The following PKHD1 variants were observed in gnomAD, a reference collection of about 807,000 sequenced individuals.
PKHD1 encodes the protein fibrocystin.
In PKHD1, 291 loss-of-function variants were observed where a neutral mutation model predicts 412.0. The ratio of observed to expected loss-of-function variants is 0.71; its 90% confidence interval spans 0.64 to 0.78. PKHD1 has a LOEUF of 0.78. PKHD1 is among the 30% of genes least tolerant of loss of function. The probability of loss-of-function intolerance (pLI) is 0.00; values close to 1 mark genes in which losing one functional copy is unlikely to be tolerated. For synonymous variants in PKHD1, 1,777 were observed against 1,821.5 expected, an observed-to-expected ratio of 0.98 and a Z score of 0.62; for missense variants, 4,825 against 4,950.7, an observed-to-expected ratio of 0.97 and a Z score of 0.76.
intron 52 of PKHD1, among the ~76,000 whole-genome samples, chr6:51,827,790 A>G (rs1767568969): frequency 6.6e-6 from 1 of 152,126 alleles, no homozygotes; most frequent in South Asian, 2.1e-4. Context: ...AGCGCTTGGA[A>G]CTGTGCCTTG....
chr6:52,026,439 C>T (rs1324367228), intron 31 of PKHD1, among the ~76,000 whole-genome samples: 1 of 152,132 alleles, frequency 6.6e-6, no homozygotes, highest in African/African-American at 2.4e-5. Flanking sequence ...TTTTCAAGTA[C>T]CTTTGTATAT....
In PKHD1 at chr6:52,044,348, C is replaced by T. The variant is rs1805435775; in HGVS notation, c.2715+618G>A. Among the ~76,000 whole-genome samples the T allele has an allele frequency of 2.0e-5, 3 of 152,126 alleles. No homozygotes were observed. In the South Asian group the frequency reaches 6.2e-4, roughly 32 times the overall value. ...CTATGTATAAAAAATGCATTAATAG[C>T]ATACAGATTATATTCATGACAGTGT... On this transcript the variant is annotated intron_variant, in intron 25 of 66. Transcript: ENST00000371117.
chr6:51,755,760 T>A (rs1279743375), intron 55 of PKHD1, among the ~76,000 whole-genome samples: 4 of 152,196 alleles, frequency 2.6e-5, no homozygotes, highest in Non-Finnish European at 5.9e-5. Flanking sequence ...CTATAGTGAA[T>A]GTTCATTCAG....
chr6:52,076,047 T>C (rs1811282550), intron 6 of PKHD1, among the ~76,000 whole-genome samples: 1 of 152,214 alleles, frequency 6.6e-6, no homozygotes, highest in Admixed American at 6.5e-5. Context: ...TGTCCTCTTT[T>C]TCTTTTCATG....
chr6:51,695,492 A>C (rs909472223), intron 60 of PKHD1, among the ~76,000 whole-genome samples: 6 of 152,162 alleles, frequency 3.9e-5, no homozygotes, highest in Non-Finnish European at 8.8e-5. Flanking sequence ...AGGAGGAAGA[A>C]GAAGAAATCT....
Position 52,084,870 on chromosome 6 carries a change from C to T in PKHD1, c.52+12G>A. On this transcript the variant is annotated intron_variant, in intron 2 of 66. Transcript: ENST00000371117. ...TCTTACCTATAATTCCTTCAAAACA[C>T]ATTCTACTGACCTGCCAAAAGTAGT... 7 of 1,551,018 alleles carry T rather than the reference C, an allele frequency of 4.5e-6. No homozygotes were observed. The highest frequency in any genetic ancestry group is 6.2e-6 in the Non-Finnish European group (7 of 1,122,674).
In PKHD1 at chr6:51,769,825, C is replaced by T. The variant is rs566182444; in HGVS notation, c.8642+2877G>A. On this transcript the variant is annotated intron_variant, in intron 55 of 66. Transcript: ENST00000371117. The stretch of plus-strand genomic sequence containing the variant: ...ATGACATGTTCTATAATATCTCGTA[C>T]GCTATATTCTCATTATTGTTACTTC... Among the ~76,000 whole-genome samples the T allele has an allele frequency of 2.1e-3, 319 of 151,198 alleles. 2 individuals are homozygous for T. The highest frequency in any genetic ancestry group is 7.0e-3 in the African/African-American group (288 of 41,398).
Position 51,615,546 on chromosome 6 carries a change from A to G in PKHD1, c.*3535T>C, listed in dbSNP as rs1765993560. The G allele has an allele frequency of 6.6e-6, 1 of 152,222 alleles. No individual in the cohort carries two copies. Among genetic ancestry groups the G allele is most frequent in the South Asian group, 2.1e-4 (1 of 4,826 alleles). The allele number at this position is 152,222 out of a possible 1,614,324, so 9.4% of individuals were successfully genotyped here. ...TATAAGTTCTGAAAGCAAAATATGG[A>G]ATGCATGAATTTTAAATGACAGAAT... is the stretch of plus-strand genomic sequence containing the variant. On this transcript the variant is annotated 3_prime_UTR_variant, in exon 67 of 67. Transcript: ENST00000371117.
intron 40 of PKHD1, among the ~76,000 whole-genome samples, chr6:51,908,202 T>C (rs1432086190): frequency 6.6e-6 from 1 of 152,052 alleles, no homozygotes; most frequent in Non-Finnish European, 1.5e-5. Flanking sequence ...TTTAAAAAGA[T>C]TGGAAAAATT....
intron 43 of PKHD1, among the ~76,000 whole-genome samples, chr6:51,890,143 A>G (rs960749023): frequency 6.6e-6 from 1 of 152,026 alleles, no homozygotes; most frequent in African/African-American, 2.4e-5. Context: ...TGAGTTTTGT[A>G]TTATTATTAC....
At chr6:52,035,064 C>G (rs1432319590) in intron 28 of PKHD1, among the ~76,000 whole-genome samples, 1 of 151,964 alleles carries the variant, frequency 6.6e-6, no homozygotes, top group Non-Finnish European at 1.5e-5. Flanking sequence ...TGATATAGCA[C>G]TAATTGAAAG....
chr6:51,963,988 G>A (rs1792447558), intron 35 of PKHD1, among the ~76,000 whole-genome samples: 1 of 151,982 alleles, frequency 6.6e-6, no homozygotes, highest in South Asian at 2.1e-4. Flanking sequence ...GGGGGCAGCC[G>A]TGAAAATAGA....
intron 12 of PKHD1, 93 bp from the exon 13 acceptor site, chr6:52,065,143 A>C: frequency 1.7e-5 from 1 of 57,730 alleles, no homozygotes; most frequent in South Asian, 5.7e-4. Context: ...TTATATATAT[A>C]TATATATATA....
At chr6:51,696,423 C>G (rs1181600611) in intron 60 of PKHD1, among the ~76,000 whole-genome samples, 3 of 152,110 alleles carry the variant, frequency 2.0e-5, no homozygotes, top group African/African-American at 7.2e-5. Context: ...GAATATCACC[C>G]AACTAAGCAA....
At chr6:51,707,189 A>G (rs774772711) in intron 60 of PKHD1, among the ~76,000 whole-genome samples, 22 of 152,196 alleles carry the variant, frequency 1.4e-4, no homozygotes, top group Non-Finnish European at 2.8e-4. Context: ...AAAATGTGAC[A>G]CTGTCCCAAG....
At chr6:51,992,771 C>T (rs1018298877) in intron 35 of PKHD1, among the ~76,000 whole-genome samples, 2 of 152,230 alleles carry the variant, frequency 1.3e-5, no homozygotes, top group African/African-American at 2.4e-5. Flanking sequence ...TTATCAGACA[C>T]ATTAATAAAT....
intron 50 of PKHD1, among the ~76,000 whole-genome samples, chr6:51,841,380 C>CCTT (rs1770164210): frequency 6.6e-6 from 1 of 151,106 alleles, no homozygotes; most frequent in Non-Finnish European, 1.5e-5. Flanking sequence ...CCTTTCCTTT[C>CCTT]TCCTCCTCTC....
intron 15 of PKHD1, among the ~76,000 whole-genome samples, chr6:52,059,229 A>G (rs1808280259): frequency 6.8e-6 from 1 of 147,632 alleles, no homozygotes; most frequent in Admixed American, 6.7e-5. Flanking sequence ...GATTGGGCAC[A>G]CAATCTTTCT....
intron 61 of PKHD1, among the ~76,000 whole-genome samples, chr6:51,652,091 G>C (rs1443105452): frequency 6.6e-6 from 1 of 152,124 alleles, no homozygotes; most frequent in Non-Finnish European, 1.5e-5. Context: ...AGGACCTACA[G>C]CCAAACTTTA....
Sources: gnomAD v4.1 joint callset for allele counts (sites outside exome capture counted in the v4.1 genomes callset) on GRCh38, gnomAD v4.1.1 for gene constraint, MANE v1.5 for transcripts, NCBI Gene and HGNC (gene_info 2026-07-23, HGNC 2026-07-21) for gene names.